RIGI: variants seen among roughly 807,000 people sequenced by gnomAD.
The protein encoded by RIGI is antiviral innate immune response receptor RIG-I.
At chr9:32,462,923 C>T in the RIGI span, among the ~76,000 whole-genome samples, 3 of 152,014 alleles carry the variant, frequency 2.0e-5, no homozygotes, top group African/African-American at 7.2e-5. Flanking sequence ...TGGGATATGC[C>T]GAGGCTGGCA....
the RIGI span, among the ~76,000 whole-genome samples, chr9:32,510,244 C>A: frequency 6.6e-6 from 1 of 152,092 alleles, no homozygotes; most frequent in African/African-American, 2.4e-5. Flanking sequence ...GAGAACACCA[C>A]AAAGATACTC....
chr9:32,497,707 A>G, the RIGI span, among the ~76,000 whole-genome samples: 1 of 152,246 alleles, frequency 6.6e-6, no homozygotes, highest in Non-Finnish European at 1.5e-5. Context: ...AGATTGCGCC[A>G]CTGCACTCCA....
chr9:32,504,714 T>TAC, the RIGI span, among the ~76,000 whole-genome samples: 87 of 143,856 alleles, frequency 6.0e-4, no homozygotes, highest in African/African-American at 2.1e-3. Flanking sequence ...ATACATTTAA[T>TAC]ATATATAAAA....
chr9:32,462,702 C>T, the RIGI span, among the ~76,000 whole-genome samples: 1 of 152,102 alleles, frequency 6.6e-6, no homozygotes, highest in South Asian at 2.1e-4. Flanking sequence ...AGCCACCACA[C>T]CCGGCTTCCT....
the RIGI span, among the ~76,000 whole-genome samples, chr9:32,474,563 G>T: frequency 6.6e-6 from 1 of 152,170 alleles, no homozygotes; most frequent in South Asian, 2.1e-4. Flanking sequence ...CTCTCTCTAG[G>T]GGAAGCCATC....
chr9:32,519,296 T>C, the RIGI span, among the ~76,000 whole-genome samples: 1 of 152,168 alleles, frequency 6.6e-6, no homozygotes, highest in Admixed American at 6.5e-5. Flanking sequence ...GGCTTTTATT[T>C]GGTTCCATGA....
the RIGI span, chr9:32,489,314 A>G: frequency 2.7e-6 from 4 of 1,508,912 alleles, no homozygotes; most frequent in Non-Finnish European, 3.6e-6. Flanking sequence ...GCAAACAGAA[A>G]AACTATGTAA....
the RIGI span, among the ~76,000 whole-genome samples, chr9:32,466,690 CAAAAAAAAAAAA>C: frequency 2.3e-4 from 16 of 68,604 alleles, 1 homozygote; most frequent in East Asian, 2.5e-3. Context: ...AGACCTATCT[CAAAAAAAAAAAA>C]AAAAAAAAAA....
the RIGI span, among the ~76,000 whole-genome samples, chr9:32,522,822 AG>A: frequency 2.6e-5 from 4 of 152,182 alleles, no homozygotes; most frequent in Non-Finnish European, 4.4e-5. Flanking sequence ...AAATAGAAAG[AG>A]GGGGACTGAA....
the RIGI span, chr9:32,491,426 TA>T: frequency 1.1e-5 from 17 of 1,594,022 alleles, no homozygotes; most frequent in South Asian, 1.8e-4. Flanking sequence ...TATACCTTTT[TA>T]AGACCAAAAA....
the RIGI span, chr9:32,487,725 GT>G: frequency 3.5e-6 from 5 of 1,443,402 alleles, no homozygotes; most frequent in Admixed American, 2.2e-5. Context: ...GGGGTAGGGC[GT>G]TTTTTTGTTT....
chr9:32,467,591 G>A, the RIGI span, among the ~76,000 whole-genome samples: 1 of 152,208 alleles, frequency 6.6e-6, no homozygotes, highest in South Asian at 2.1e-4. Context: ...TAGAGTTTAT[G>A]TTAGTGAACA....
chr9:32,459,585 G>T, the RIGI span: 1 of 1,440,146 alleles, frequency 6.9e-7, no homozygotes, highest in Non-Finnish European at 9.4e-7. Context: ...GCACAGATAC[G>T]TACAATACAT....
chr9:32,457,493 A>AAAAAAG, the RIGI span: 76,319 of 1,155,978 alleles, frequency 0.066, 1,253 homozygotes, highest in Admixed American at 0.11. Context: ...TAAAAAAAAA[A>AAAAAAG]AAAAGAAAAC....
the RIGI span, chr9:32,485,057 A>G: frequency 1.5e-6 from 1 of 681,104 alleles, no homozygotes; most frequent in African/African-American, 1.8e-5. Flanking sequence ...ATCAAGGAAG[A>G]CAACCTCTGG....
the RIGI span, among the ~76,000 whole-genome samples, chr9:32,462,750 T>C: frequency 6.6e-6 from 1 of 152,172 alleles, no homozygotes; most frequent in Non-Finnish European, 1.5e-5. Flanking sequence ...ATTCCTACTA[T>C]GTTGCCCTGG....
chr9:32,493,872 T>C, the RIGI span: 1 of 1,610,778 alleles, frequency 6.2e-7, no homozygotes, highest in Non-Finnish European at 8.5e-7. Flanking sequence ...TTAAAAGTAA[T>C]CTATACTCCT....
chr9:32,524,603 T>G, the RIGI span, among the ~76,000 whole-genome samples: 2 of 123,002 alleles, frequency 1.6e-5, no homozygotes, highest in East Asian at 2.1e-4. Context: ...TCGGTTTTTT[T>G]TTTTTTTTTT....
At chr9:32,458,386 A>T in the RIGI span, among the ~76,000 whole-genome samples, 1 of 152,230 alleles carries the variant, frequency 6.6e-6, no homozygotes, top group Non-Finnish European at 1.5e-5. Context: ...AGAGAAAAAA[A>T]GTCATGGAAT....
Sources: gnomAD v4.1 joint callset for allele counts (sites outside exome capture counted in the v4.1 genomes callset) on GRCh38, gnomAD v4.1.1 for gene constraint, MANE v1.5 for transcripts, NCBI Gene and HGNC (gene_info 2026-07-23, HGNC 2026-07-21) for gene names.